Variants in NAALADL2 observed in about 807,000 individuals in gnomAD.
NAALADL2 encodes the protein N-acetylated alpha-linked acidic dipeptidase like 2, also known as inactive N-acetylated-alpha-linked acidic dipeptidase-like protein 2.
In NAALADL2, 76 loss-of-function variants were observed where a neutral mutation model predicts 87.2. That is an observed-to-expected ratio of 0.87 (90% CI 0.72 to 1.05). NAALADL2 has a LOEUF of 1.05. Among genes scored for constraint, NAALADL2 ranks in the 50% least tolerant of loss-of-function variants. The pLI is 0.00. For missense variants in NAALADL2, 1,089 were observed against 945.8 expected (o/e 1.15, Z -1.99); for synonymous variants, 354 against 331.0 (o/e 1.07, Z -0.75).
chr3:174,855,062 C>T (rs1050202170), upstream of NAALADL2, among the ~76,000 whole-genome samples: 4 of 152,014 alleles, frequency 2.6e-5, no homozygotes, highest in Admixed American at 2.6e-4. Context: ...TGGTCTCGAA[C>T]TCCTGACCTC....
intron 2 of NAALADL2, among the ~76,000 whole-genome samples, chr3:175,221,945 T>G (rs1580992513): frequency 1.3e-5 from 2 of 151,892 alleles, no homozygotes; most frequent in Non-Finnish European, 2.9e-5. Flanking sequence ...TGGCTAATTT[T>G]TGTGTGTGTG....
intron 10 of NAALADL2, among the ~76,000 whole-genome samples, chr3:175,598,203 T>G (rs1164124542): frequency 6.6e-6 from 1 of 152,074 alleles, no homozygotes; most frequent in Non-Finnish European, 1.5e-5. Flanking sequence ...TTTATCTAAT[T>G]CTGCTATGTG....
At chr3:174,459,581 G>A (rs1462688769) in intron 1 of NAALADL2, 1 of 152,176 alleles carries the variant, frequency 6.6e-6, no homozygotes, top group Non-Finnish European at 1.5e-5. Context: ...ATTTTAGCTC[G>A]ATTGTAGAAT....
At chr3:175,314,561 A>ATATATATATAT (rs1187807703) in intron 4 of NAALADL2, among the ~76,000 whole-genome samples, 1 of 63,190 alleles carries the variant, frequency 1.6e-5, no homozygotes, top group Non-Finnish European at 3.0e-5. Flanking sequence ...TTCACATTCT[A>ATATATATATAT]ACTATATATA....
At chr3:175,427,192 T>A (rs1240337187) in intron 5 of NAALADL2, among the ~76,000 whole-genome samples, 1 of 152,150 alleles carries the variant, frequency 6.6e-6, no homozygotes, top group African/African-American at 2.4e-5. Context: ...AACTACTGAA[T>A]CAACCTTGAA....
chr3:175,163,057 A>G (rs76663479), intron 2 of NAALADL2, among the ~76,000 whole-genome samples: 12,359 of 152,224 alleles, frequency 0.081, 700 homozygotes, highest in Non-Finnish European at 0.12. Context: ...TTTGATCATC[A>G]TGATATATAT....
intron 1 of NAALADL2, among the ~76,000 whole-genome samples, chr3:175,012,330 A>G (rs1302299871): frequency 2.1e-5 from 3 of 145,994 alleles, no homozygotes; most frequent in African/African-American, 5.2e-5. Context: ...AGGCCTGGCT[A>G]ATATTTTTTT....
chr3:175,185,543 A>G (rs1266134799), intron 2 of NAALADL2, among the ~76,000 whole-genome samples: 1 of 151,918 alleles, frequency 6.6e-6, no homozygotes, highest in East Asian at 1.9e-4. Flanking sequence ...GCAAAGCAGT[A>G]TTTTATAGAT....
intron 9 of NAALADL2, among the ~76,000 whole-genome samples, chr3:175,481,343 GT>G (rs1019500885): frequency 1.2e-4 from 18 of 149,364 alleles, no homozygotes; most frequent in Non-Finnish European, 2.5e-4. Context: ...CACTGTGTGT[GT>G]GTGTGTGTGT....
At chr3:175,742,186 AT>A in intron 12 of NAALADL2, among the ~76,000 whole-genome samples, 1 of 152,230 alleles carries the variant, frequency 6.6e-6, no homozygotes, top group East Asian at 1.9e-4. Flanking sequence ...TCCACAAGGA[AT>A]TTCCTCGTCA....
intron 9 of NAALADL2, among the ~76,000 whole-genome samples, chr3:175,528,338 A>G (rs1733684881): frequency 6.6e-6 from 1 of 152,114 alleles, no homozygotes; most frequent in South Asian, 2.1e-4. Context: ...AGCCTGGGAA[A>G]TAGATGTAGG....
At chr3:175,795,146 C>T (rs996185794) in intron 13 of NAALADL2, among the ~76,000 whole-genome samples, 1 of 152,188 alleles carries the variant, frequency 6.6e-6, no homozygotes. Flanking sequence ...CCTAAGGCTT[C>T]AGTGTGTGCA....
intron 3 of NAALADL2, among the ~76,000 whole-genome samples, chr3:174,750,463 TG>T (rs5854591): frequency 1 from 152,198 of 152,200 alleles, 76,098 homozygotes; most frequent in Middle Eastern, 1. Context: ...AGACTTCTGC[TG>T]CTGTTGCCCA....
intron 13 of NAALADL2, among the ~76,000 whole-genome samples, chr3:175,784,902 T>C (rs1393528729): frequency 8.5e-6 from 1 of 117,532 alleles, no homozygotes. Flanking sequence ...TGGTATGTTG[T>C]GTCTTTGTTC....
At chr3:174,636,455 TA>T (rs889839231) in intron 2 of NAALADL2, among the ~76,000 whole-genome samples, 2 of 151,796 alleles carry the variant, frequency 1.3e-5, no homozygotes, top group South Asian at 4.2e-4. Context: ...CAAACAACAG[TA>T]AAAATATACA....
At chr3:175,564,895 C>A (rs897505111) in intron 9 of NAALADL2, among the ~76,000 whole-genome samples, 8 of 152,152 alleles carry the variant, frequency 5.3e-5, no homozygotes, top group African/African-American at 1.9e-4. Context: ...ATGTAGTTTG[C>A]AATTTGTGAA....
At chr3:175,504,362 G>T (rs1205902973) in intron 9 of NAALADL2, among the ~76,000 whole-genome samples, 1 of 152,134 alleles carries the variant, frequency 6.6e-6, no homozygotes, top group African/African-American at 2.4e-5. Context: ...GGGGGCCAGG[G>T]TGAAATGCCA....
intron 5 of NAALADL2, among the ~76,000 whole-genome samples, chr3:175,446,710 T>A (rs1720764337): frequency 6.6e-6 from 1 of 152,128 alleles, no homozygotes; most frequent in African/African-American, 2.4e-5. Context: ...TTTCATCAAA[T>A]CCTCCTGTTT....
rs1310174184 is a variant in NAALADL2, at chr3:174,550,942, A to ACATGCCTTG, written c.-115+306_-115+314dup. 5 of 152,146 alleles carry ACATGCCTTG rather than the reference A, an allele frequency of 3.3e-5. No homozygotes were observed. In the South Asian group the frequency reaches 6.2e-4, roughly 19 times the overall value. 9.4% of individuals were successfully genotyped at this position (152,146 alleles called of 1,614,324 possible). A position where few individuals can be genotyped will look rare whatever the true frequency, so the allele number is the denominator to read the frequency against. ...TATTAACTATGGATTGCTTCTAAAA[A>ACATGCCTTG]CATGCCTTGAATAGTAAAGGATTCC... On this transcript the variant is annotated intron_variant, in intron 2 of 3. Coordinates refer to the NAALADL2 transcript ENST00000434257.
Sources: gnomAD v4.1 joint callset for allele counts (sites outside exome capture counted in the v4.1 genomes callset) on GRCh38, gnomAD v4.1.1 for gene constraint, MANE v1.5 for transcripts, NCBI Gene and HGNC (gene_info 2026-07-23, HGNC 2026-07-21) for gene names.